CCDC30: variants seen among roughly 807,000 people sequenced by gnomAD.
CCDC30 encodes coiled-coil domain containing 30.
A neutral mutation model predicts 100.2 loss-of-function variants in CCDC30; 70 were observed. The ratio of observed to expected loss-of-function variants is 0.70; its 90% CI spans 0.58 to 0.85. The LOEUF (loss-of-function observed/expected upper bound fraction) is 0.85. CCDC30 is among the 40% of genes least tolerant of loss of function. The probability of loss-of-function intolerance (pLI) is 0.00; values close to 1 mark genes in which losing one functional copy is unlikely to be tolerated. For synonymous variants in CCDC30, 233 were observed against 269.5 expected, an observed-to-expected ratio of 0.86 and a Z score of 1.33; for missense variants, 652 against 771.2, an observed-to-expected ratio of 0.85 and a Z score of 1.83.
chr1:42,514,306 CT>C (rs1267614420), intron 6 of CCDC30, among the ~76,000 whole-genome samples: 1 of 152,158 alleles, frequency 6.6e-6, no homozygotes, highest in Non-Finnish European at 1.5e-5. Context: ...ATTTAACCTT[CT>C]GAGGAACTAC....
At chr1:42,654,870 G>A (rs1648611389), downstream of CCDC30, among the ~76,000 whole-genome samples, 1 of 151,416 alleles carries the variant, frequency 6.6e-6, no homozygotes, top group African/African-American at 2.4e-5. Flanking sequence ...CCGCCACCAT[G>A]CCCAGCTAAT....
At chr1:42,508,999 T>C (rs1400663312) in intron 6 of CCDC30, among the ~76,000 whole-genome samples, 1 of 152,198 alleles carries the variant, frequency 6.6e-6, no homozygotes, top group Non-Finnish European at 1.5e-5. Flanking sequence ...TTTTTCAGCT[T>C]TTGAACTTTA....
At chr1:42,643,067 C>T (rs1045122919) in intron 13 of CCDC30, among the ~76,000 whole-genome samples, 3 of 152,172 alleles carry the variant, frequency 2.0e-5, no homozygotes, top group African/African-American at 7.2e-5. Context: ...TGAGCATTCT[C>T]TTCTTCATAG....
At position 42,473,969 on chromosome 1, in the gene CCDC30, A is replaced by ATT. The variant is rs57748230; in HGVS notation, c.-91-6483_-91-6482dup. Among the ~76,000 whole-genome samples, 695 of 149,892 alleles carry ATT rather than the reference A, an allele frequency of 4.6e-3. 6 individuals carry two copies. Among genetic ancestry groups the ATT allele is most frequent in the Admixed American group, 9.5e-3 (143 of 15,042 alleles). ...AGTGCTTAGAGGAGTAGATAAAGCT[A>ATT]TTTTTTTTTTGGCCCTATTGTTACT... On this transcript the variant is annotated intron_variant, in intron 1 of 16. Transcript: ENST00000668663.
At chr1:42,558,089 C>T (rs1439289892) in intron 6 of CCDC30, 1 of 275,626 alleles carries the variant, frequency 3.6e-6, no homozygotes, top group Non-Finnish European at 7.6e-6. Flanking sequence ...TAGCTAGCTG[C>T]TTCAACAGTT....
At chr1:42,557,907 T>C (rs1477805525) in intron 6 of CCDC30, among the ~76,000 whole-genome samples, 1 of 151,974 alleles carries the variant, frequency 6.6e-6, no homozygotes, top group Non-Finnish European at 1.5e-5. Context: ...GAAAGGGTAA[T>C]TGGCTTAATA....
intron 11 of CCDC30, among the ~76,000 whole-genome samples, chr1:42,612,540 A>G (rs1407947172): frequency 6.6e-6 from 1 of 152,172 alleles, no homozygotes; most frequent in African/African-American, 2.4e-5. Context: ...ATTTTATTAA[A>G]TACTTTTTAT....
At chr1:42,503,623 G>A (rs1030334216) in intron 6 of CCDC30, among the ~76,000 whole-genome samples, 3 of 152,202 alleles carry the variant, frequency 2.0e-5, no homozygotes, top group African/African-American at 7.2e-5. Context: ...CCTAGTCCCA[G>A]GTAGCCTTTT....
intron 13 of CCDC30, among the ~76,000 whole-genome samples, chr1:42,644,227 G>A (rs1181976231): frequency 6.6e-6 from 1 of 152,158 alleles, no homozygotes; most frequent in Non-Finnish European, 1.5e-5. Context: ...GAGGAGCAAG[G>A]AGAGCCAGTC....
intron 11 of CCDC30, among the ~76,000 whole-genome samples, chr1:42,624,213 T>C (rs747725873): frequency 6.6e-6 from 1 of 152,186 alleles, no homozygotes; most frequent in Non-Finnish European, 1.5e-5. Context: ...TTGTTTCTTA[T>C]AAAATTGTTT....
chr1:42,554,275 C>CTTTTT (rs1286952607), intron 6 of CCDC30, among the ~76,000 whole-genome samples: 1 of 131,224 alleles, frequency 7.6e-6, no homozygotes, highest in African/African-American at 2.8e-5. Context: ...TTTATGGCTT[C>CTTTTT]TTTTTTTTTT....
intron 4 of CCDC30, among the ~76,000 whole-genome samples, chr1:42,493,410 A>G (rs1018985001): frequency 8.6e-5 from 13 of 152,032 alleles, no homozygotes; most frequent in Non-Finnish European, 1.5e-5. Context: ...CAACATGGTG[A>G]AACCCCGTGT....
chr1:42,475,823 TCA>T (rs1029708366), intron 1 of CCDC30, among the ~76,000 whole-genome samples: 1 of 152,066 alleles, frequency 6.6e-6, no homozygotes, highest in Non-Finnish European at 1.5e-5. Context: ...TTTGTGTCTC[TCA>T]CAGTACCTGG....
intron 12 of CCDC30, among the ~76,000 whole-genome samples, chr1:42,641,777 C>T (rs201272053): frequency 3.3e-5 from 5 of 151,348 alleles, no homozygotes; most frequent in Admixed American, 3.3e-4. Context: ...TGAGGCTAAA[C>T]CTGAGAGGCA....
intron 10 of CCDC30, among the ~76,000 whole-genome samples, chr1:42,602,401 C>CA (rs992474977): frequency 8.1e-5 from 12 of 147,428 alleles, no homozygotes; most frequent in African/African-American, 1.2e-4. Flanking sequence ...GCCAGGCTAA[C>CA]AAAAAAAAAG....
chr1:42,577,350 C>G (rs980909426), intron 8 of CCDC30, 121 bp downstream of exon 12: 1 of 704,592 alleles, frequency 1.4e-6, no homozygotes, highest in South Asian at 2.0e-5. Context: ...GATTTTTTTT[C>G]TCTCCCATGT....
intron 8 of CCDC30, chr1:42,580,769 T>C: frequency 2.2e-6 from 1 of 447,584 alleles, no homozygotes; most frequent in Non-Finnish European, 4.5e-6. Context: ...AAACCTATTA[T>C]TGATGCTAAG....
Position 42,581,465 on chromosome 1 carries a change from C to CA in CCDC30, c.956dup (p.Asn319LysfsTer2). The stretch of plus-strand genomic sequence containing the variant: ...AGAGGAAAAGATAAAAGAAGCAACA[C>CA]AAAATGAAGCTAAAGTAAAGCAACA... On this transcript the variant is annotated frameshift_variant, in exon 9 of 17. Transcript: ENST00000668663. LOFTEE classifies it high-confidence loss of function. 1 of 1,613,628 alleles carries CA rather than the reference C, an allele frequency of 6.2e-7. No homozygotes were observed. The highest frequency in any genetic ancestry group is 8.5e-7 in the Non-Finnish European group (1 of 1,179,704).
intron 6 of CCDC30, 33 bp downstream of exon 6, chr1:42,498,949 C>A: frequency 1.7e-6 from 2 of 1,153,804 alleles, no homozygotes; most frequent in Non-Finnish European, 2.2e-6. Flanking sequence ...TCTTTCTGAT[C>A]TCTAATTTTT....
Sources: allele counts gnomAD v4.1 joint callset (sites outside exome capture counted in the v4.1 genomes callset), GRCh38; gene constraint gnomAD v4.1.1; transcripts MANE v1.5; gene names NCBI Gene and HGNC (gene_info 2026-07-23, HGNC 2026-07-21).